Variants in USP25 observed in about 807,000 individuals in gnomAD.
USP25 encodes ubiquitin carboxyl-terminal hydrolase 25.
USP25 carries 85 observed loss-of-function variants against 158.5 expected under a neutral mutation model. That is an observed-to-expected ratio of 0.54 (90% CI 0.45 to 0.64). The LOEUF (loss-of-function observed/expected upper bound fraction) is 0.64. USP25 is among the 30% of genes least tolerant of loss of function. USP25 has a pLI of 0.00. For missense variants in USP25, 1,242 were observed against 1,327.3 expected (o/e 0.94, Z 1.00); for synonymous variants, 464 against 460.4 (o/e 1.01, Z -0.10).
intron 3 of USP25, among the ~76,000 whole-genome samples, chr21:15,776,047 T>A (rs1197869375): frequency 6.6e-6 from 1 of 152,138 alleles, no homozygotes; most frequent in Admixed American, 6.5e-5. Flanking sequence ...GCCATTTTAA[T>A]AACCAAGATA....
At chr21:15,730,503 C>T (rs2030696572) in intron 1 of USP25, 65 bp downstream of exon 1, 1 of 1,287,590 alleles carries the variant, frequency 7.8e-7, no homozygotes, top group Non-Finnish European at 9.9e-7. Flanking sequence ...TCTCCCGCTG[C>T]GGCCGGGCGC....
chr21:15,801,061 A>G lies in USP25; in HGVS notation c.642+1218A>G, dbSNP rs183361166. Among the ~76,000 whole-genome samples, 26 of 151,658 alleles carry G rather than the reference A, an allele frequency of 1.7e-4. No homozygotes were observed. In the East Asian group the frequency reaches 5.0e-3, roughly 29 times the overall value. ...CTGAACTATTGCCTCTGTCATTGCA[A>G]TTTGTTAATATCACAGTTCTTCTCT... On this transcript the variant is annotated intron_variant, in intron 6 of 25. Coordinates refer to ENST00000400183, the MANE Select transcript of USP25 (RefSeq NM_001283041.3).
chr21:15,732,289 C>A (rs1404712641), intron 1 of USP25, among the ~76,000 whole-genome samples: 1 of 152,086 alleles, frequency 6.6e-6, no homozygotes, highest in African/African-American at 2.4e-5. Flanking sequence ...TTTTATACTT[C>A]CATAATATTT....
At chr21:15,791,214 C>A (rs1392971780) in intron 4 of USP25, among the ~76,000 whole-genome samples, 1 of 151,626 alleles carries the variant, frequency 6.6e-6, no homozygotes, top group African/African-American at 2.4e-5. Context: ...ATGGTATATT[C>A]CTGGTACTAA....
At chr21:15,810,359 C>A (rs1259714665) in intron 8 of USP25, among the ~76,000 whole-genome samples, 1 of 152,066 alleles carries the variant, frequency 6.6e-6, no homozygotes, top group African/African-American at 2.4e-5. Flanking sequence ...CTTCACAAAT[C>A]AATTAATATA....
intron 24 of USP25, chr21:15,877,581 G>A (rs747404671): frequency 2.0e-5 from 8 of 398,204 alleles, no homozygotes; most frequent in African/African-American, 4.2e-5. Flanking sequence ...TTTCTCCACC[G>A]CTGTTGCTTT....
In USP25 at chr21:15,826,963, A is replaced by G. The variant is rs779286374; in HGVS notation, c.1467-14A>G. 3.0e-5 allele frequency: 49 copies of G among 1,611,522 alleles called. No homozygotes were observed. The highest frequency in any genetic ancestry group is 6.7e-5 in the Admixed American group (4 of 59,988). On this transcript the variant is annotated splice_polypyrimidine_tract_variant and intron_variant, in intron 13 of 25. Transcript: ENST00000400183. This position sits in a 1 kb window ranked among gnomAD's most constrained non-coding sequence, Gnocchi z 4.8. ...TTGAAAGGTTAATAAGAAATACTCT[A>G]TGCTTTGATACAGCACAACAGAACA...
chr21:15,839,005 T>C (rs1036445028), intron 17 of USP25, among the ~76,000 whole-genome samples: 1 of 152,074 alleles, frequency 6.6e-6, no homozygotes, highest in African/African-American at 2.4e-5. Context: ...GGCCGGAAAA[T>C]CACTCTGTGG....
At chr21:15,855,680 A>T (rs1229966748) in intron 20 of USP25, among the ~76,000 whole-genome samples, 1 of 152,216 alleles carries the variant, frequency 6.6e-6, no homozygotes, top group African/African-American at 2.4e-5. Context: ...AGTCAGTTAC[A>T]CATCCTGCCT....
chr21:15,867,936 T>A (rs2039727878), intron 22 of USP25, among the ~76,000 whole-genome samples: 1 of 152,232 alleles, frequency 6.6e-6, no homozygotes, highest in East Asian at 1.9e-4. Context: ...TTCCCCCAAA[T>A]GCTTTATAAA....
intron 20 of USP25, among the ~76,000 whole-genome samples, chr21:15,852,987 GA>G (rs2038956411): frequency 6.6e-6 from 1 of 152,126 alleles, no homozygotes; most frequent in Admixed American, 6.5e-5. Context: ...TATAAAAAAT[GA>G]AAGTAATGTA....
In USP25 at chr21:15,791,670, G is replaced by A; in HGVS notation, c.555+6G>A. The A allele has an allele frequency of 6.2e-7, 1 of 1,602,404 alleles. No individual in the cohort carries two copies. The highest frequency in any genetic ancestry group is 8.5e-7 in the Non-Finnish European group (1 of 1,174,552). On this transcript the variant is annotated splice_donor_region_variant and intron_variant, in intron 5 of 25. Transcript: ENST00000400183. ...GGTTTAGTGCTGTTATTCAGGTAAG[G>A]ATTTTTCTTTATTCAGTTCTTATTT...
chr21:15,795,979 C>G (rs2035844045), intron 5 of USP25, among the ~76,000 whole-genome samples: 1 of 151,492 alleles, frequency 6.6e-6, no homozygotes, highest in African/African-American at 2.4e-5. Flanking sequence ...GCCATCACTT[C>G]TTTCTTTTTC....
chr21:15,736,360 A>G (rs906210713), intron 1 of USP25, among the ~76,000 whole-genome samples: 2 of 152,188 alleles, frequency 1.3e-5, no homozygotes, highest in Non-Finnish European at 2.9e-5. Flanking sequence ...GGGCTCCCGA[A>G]GTACTGGGCA....
At chr21:15,845,337 A>C (rs565635801) in intron 18 of USP25, among the ~76,000 whole-genome samples, 1 of 152,286 alleles carries the variant, frequency 6.6e-6, no homozygotes, top group South Asian at 2.1e-4. Flanking sequence ...TTGTTAATGT[A>C]TTCATATAAG....
chr21:15,833,697 A>G, intron 17 of USP25, 149 bp downstream of exon 17: 4 of 742,630 alleles, frequency 5.4e-6, no homozygotes, highest in Non-Finnish European at 6.5e-6. Context: ...ATCACAGTTA[A>G]CAATTTAGTT....
chr21:15,841,865 G>T (rs1481519646), intron 17 of USP25, among the ~76,000 whole-genome samples: 1 of 152,152 alleles, frequency 6.6e-6, no homozygotes, highest in Non-Finnish European at 1.5e-5. Flanking sequence ...GAACTCAAAA[G>T]ATGGATAGGA....
At chr21:15,787,725 C>T (rs966248476) in intron 4 of USP25, among the ~76,000 whole-genome samples, 12 of 151,614 alleles carry the variant, frequency 7.9e-5, no homozygotes, top group Non-Finnish European at 1.0e-4. Flanking sequence ...CATTACCCGC[C>T]GCCCCCTTTT....
At chr21:15,838,364 C>T (rs950176045) in intron 17 of USP25, among the ~76,000 whole-genome samples, 7 of 152,068 alleles carry the variant, frequency 4.6e-5, no homozygotes, top group African/African-American at 1.4e-4. Flanking sequence ...GGGTGATCCT[C>T]AGTGTAGGAG....
Sources: allele counts gnomAD v4.1 joint callset (sites outside exome capture counted in the v4.1 genomes callset), GRCh38; gene constraint gnomAD v4.1.1; non-coding constraint Gnocchi (gnomAD v3.1); transcripts MANE v1.5; gene names NCBI Gene and HGNC (gene_info 2026-07-23, HGNC 2026-07-21).